The following COL13A1 variants were observed in gnomAD, a reference collection of about 807,000 sequenced individuals.
COL13A1 encodes the protein collagen type XIII alpha 1 chain, also known as collagen alpha-1(XIII) chain.
Under a neutral mutation model 130.9 loss-of-function variants are expected in COL13A1, and 89 were observed. That is an observed-to-expected ratio of 0.68 (90% confidence interval 0.57 to 0.81). The LOEUF (loss-of-function observed/expected upper bound fraction) is 0.81. Ranked by LOEUF, COL13A1 falls within the 30% of genes least tolerant of loss-of-function variation. The probability of loss-of-function intolerance (pLI) is 0.00; values close to 1 mark genes in which losing one functional copy is unlikely to be tolerated. For missense variants in COL13A1, 879 were observed against 934.6 expected (o/e 0.94, Z 0.78); for synonymous variants, 402 against 341.6 (o/e 1.18, Z -1.95).
chr10:69,940,903 C>A (rs538847140), intron 34 of COL13A1, 85 bp from the exon 35 acceptor site: 2 of 1,579,892 alleles, frequency 1.3e-6, no homozygotes, highest in African/African-American at 1.3e-5. Flanking sequence ...CTGCTTTACT[C>A]ACCTCTTCCC....
chr10:69,958,998 G>A lies in COL13A1; in HGVS notation c.*297G>A. ...TAAATTATTGTGTCCTGGTGCCAAA[G>A]GGGGCCAGCCAGAACTGAGGTGCTG... On this transcript the variant is annotated 3_prime_UTR_variant, in exon 41 of 41. Coordinates refer to ENST00000645393, the MANE Select transcript of COL13A1 (RefSeq NM_001368882.1). The A allele has an allele frequency of 2.6e-6, 1 of 383,002 alleles. No individual in the cohort carries two copies. The highest frequency in any genetic ancestry group is 5.0e-5 in the East Asian group (1 of 20,158). The allele number at this position is 383,002 out of a possible 1,614,324, so 23.7% of individuals were successfully genotyped here.
Position 69,944,406 on chromosome 10 carries a change from A to G in COL13A1, c.1968+228A>G, listed in dbSNP as rs72805193. ...CACGTTGGCTCATACCTGTAATCCCAACACTCTGGGAGGCCAGGTTGGGAG... is the reference window on the plus strand; with the variant it reads ...CACGTTGGCTCATACCTGTAATCCCGACACTCTGGGAGGCCAGGTTGGGAG... On this transcript the variant is annotated intron_variant, in intron 36 of 40. Coordinates refer to ENST00000645393, the MANE Select transcript of COL13A1 (RefSeq NM_001368882.1). 0.13 allele frequency among the ~76,000 whole-genome samples: 19,183 copies of G among 152,214 alleles called. 1,324 individuals are homozygous for G. Among genetic ancestry groups the G allele is most frequent in the Middle Eastern group, 0.31 (92 of 294 alleles).
chr10:69,917,198 C>A, intron 17 of COL13A1, 91 bp from the exon 18 acceptor site: 1 of 1,522,472 alleles, frequency 6.6e-7, no homozygotes, highest in Non-Finnish European at 9.0e-7. Flanking sequence ...GCCATCCCAG[C>A]CTCCAGACAA....
At chr10:69,867,101 G>A (rs1052459558) in intron 2 of COL13A1, among the ~76,000 whole-genome samples, 1 of 152,192 alleles carries the variant, frequency 6.6e-6, no homozygotes. Context: ...GCTGTTGCCA[G>A]TAATGAGATA....
At chr10:69,882,283 C>T (rs1320252253) in intron 7 of COL13A1, among the ~76,000 whole-genome samples, 1 of 152,152 alleles carries the variant, frequency 6.6e-6, no homozygotes, top group Non-Finnish European at 1.5e-5. Flanking sequence ...TCCTGCTGGT[C>T]CTCTCACACC....
intron 7 of COL13A1, among the ~76,000 whole-genome samples, chr10:69,885,182 T>C (rs2060488736): frequency 6.6e-6 from 1 of 151,946 alleles, no homozygotes; most frequent in African/African-American, 2.4e-5. Context: ...CCAAAAGCCA[T>C]AGGAGAAGAT....
intron 2 of COL13A1, among the ~76,000 whole-genome samples, chr10:69,832,712 T>C (rs886601315): frequency 6.6e-6 from 1 of 152,124 alleles, no homozygotes; most frequent in Non-Finnish European, 1.5e-5. Context: ...CTGGTGATAC[T>C]TAGTGTTGGA....
chr10:69,808,716 C>G (rs534182753), intron 1 of COL13A1, among the ~76,000 whole-genome samples: 3 of 152,324 alleles, frequency 2.0e-5, no homozygotes, highest in East Asian at 1.9e-4. Context: ...TGTCTTGGGT[C>G]CCTTATTAAT....
intron 2 of COL13A1, among the ~76,000 whole-genome samples, chr10:69,864,753 C>T (rs1484430658): frequency 1.3e-5 from 2 of 152,162 alleles, no homozygotes; most frequent in Admixed American, 1.3e-4. Context: ...CCGCCTTGCT[C>T]GGAAGAGGTG....
intron 39 of COL13A1, 69 bp from the exon 40 acceptor site, chr10:69,956,935 C>A (rs376498953): frequency 1.0e-5 from 13 of 1,301,032 alleles, no homozygotes; most frequent in Non-Finnish European, 1.5e-5. Flanking sequence ...GCCCTTGTTA[C>A]CCCTGTCCTG....
At chr10:69,846,267 G>T (rs539792588) in intron 2 of COL13A1, among the ~76,000 whole-genome samples, 18 of 152,292 alleles carry the variant, frequency 1.2e-4, no homozygotes, top group African/African-American at 3.9e-4. Context: ...GAAGGGTCTG[G>T]TGGCACTGGA....
chr10:69,939,935 T>C (rs1402537654), intron 34 of COL13A1, among the ~76,000 whole-genome samples: 1 of 152,218 alleles, frequency 6.6e-6, no homozygotes, highest in East Asian at 1.9e-4. Flanking sequence ...GCCTCCTTCT[T>C]GGGACTTCCT....
chr10:69,855,745 T>A (rs924199472), intron 2 of COL13A1, among the ~76,000 whole-genome samples: 8 of 98,502 alleles, frequency 8.1e-5, no homozygotes, highest in Non-Finnish European at 1.4e-4. Flanking sequence ...GTGGGGCTTG[T>A]CTTCAGCTCT....
At chr10:69,893,338 C>G (rs1408485331) in intron 10 of COL13A1, among the ~76,000 whole-genome samples, 1 of 152,226 alleles carries the variant, frequency 6.6e-6, no homozygotes, top group Admixed American at 6.5e-5. Flanking sequence ...GACAACAGAG[C>G]GAGACCCTGT....
intron 6 of COL13A1, among the ~76,000 whole-genome samples, chr10:69,880,205 C>G (rs2059992181): frequency 6.6e-6 from 1 of 152,104 alleles, no homozygotes; most frequent in Admixed American, 6.5e-5. Context: ...CCCCGGAACC[C>G]CATGTCCTGT....
intron 1 of COL13A1, among the ~76,000 whole-genome samples, chr10:69,804,285 G>A (rs1564704401): frequency 2.0e-5 from 3 of 152,158 alleles, no homozygotes; most frequent in Non-Finnish European, 4.4e-5. Flanking sequence ...GTTTAGCACA[G>A]CCCCTCTCTC....
intron 2 of COL13A1, among the ~76,000 whole-genome samples, chr10:69,855,818 A>G (rs889891173): frequency 3.3e-4 from 12 of 36,340 alleles, no homozygotes; most frequent in Non-Finnish European, 8.7e-4. Flanking sequence ...CACACTTGTC[A>G]TTGTTTAGTG....
intron 17 of COL13A1, 125 bp from the exon 18 acceptor site, chr10:69,917,164 T>C: frequency 8.3e-7 from 1 of 1,209,770 alleles, no homozygotes; most frequent in Non-Finnish European, 1.2e-6. Flanking sequence ...GGCAGGGTCC[T>C]CAGAGCTCAA....
intron 14 of COL13A1, among the ~76,000 whole-genome samples, chr10:69,901,768 T>G (rs1473652317): frequency 6.6e-6 from 1 of 152,180 alleles, no homozygotes; most frequent in Non-Finnish European, 1.5e-5. Flanking sequence ...CTGGGTCACG[T>G]GCACCAGGCC....
Sources: gnomAD v4.1 joint callset for allele counts (sites outside exome capture counted in the v4.1 genomes callset) on GRCh38, gnomAD v4.1.1 for gene constraint, MANE v1.5 for transcripts, NCBI Gene and HGNC (gene_info 2026-07-23, HGNC 2026-07-21) for gene names.